MACROD2: variants seen among roughly 807,000 people sequenced by gnomAD.
MACROD2 encodes the protein mono-ADP ribosylhydrolase 2.
Under a neutral mutation model 70.4 loss-of-function variants are expected in MACROD2, and 36 were observed. The ratio of observed to expected loss-of-function variants is 0.51; its 90% CI spans 0.39 to 0.68. The LOEUF (loss-of-function observed/expected upper bound fraction) is 0.68. Ranked by LOEUF, MACROD2 falls within the 30% of genes least tolerant of loss-of-function variation. MACROD2 has a pLI of 0.00. For missense variants in MACROD2, 496 were observed against 538.4 expected, an observed-to-expected ratio of 0.92 and a Z score of 0.78; for synonymous variants, 172 against 178.8, an observed-to-expected ratio of 0.96 and a Z score of 0.30.
intron 8 of MACROD2, among the ~76,000 whole-genome samples, chr20:15,846,707 A>G (rs1280762580): frequency 6.6e-6 from 1 of 151,966 alleles, no homozygotes; most frequent in African/African-American, 2.4e-5. Context: ...TAACCAACTC[A>G]CACCCACTGG....
At chr20:14,560,881 C>T (rs1427028273) in intron 4 of MACROD2, among the ~76,000 whole-genome samples, 1 of 151,768 alleles carries the variant, frequency 6.6e-6, no homozygotes, top group African/African-American at 2.4e-5. Flanking sequence ...CTCTTAATTT[C>T]TCTCTTATGA....
At chr20:15,472,557 C>T (rs751623050) in intron 7 of MACROD2, among the ~76,000 whole-genome samples, 2 of 152,054 alleles carry the variant, frequency 1.3e-5, no homozygotes, top group Non-Finnish European at 2.9e-5. Flanking sequence ...ATTATTCAAG[C>T]CTTAAATCCC....
chr20:15,147,405 CTGTG>C (rs1470455780), intron 5 of MACROD2, among the ~76,000 whole-genome samples: 2 of 147,464 alleles, frequency 1.4e-5, no homozygotes, highest in African/African-American at 2.5e-5. Context: ...AAGGAGAACT[CTGTG>C]TGTGTAAAAC....
intron 5 of MACROD2, among the ~76,000 whole-genome samples, chr20:14,960,652 A>G (rs1249748408): frequency 1.3e-5 from 2 of 152,232 alleles, no homozygotes; most frequent in Non-Finnish European, 2.9e-5. Context: ...AAATCCTGTC[A>G]TTATCTCCCC....
intron 7 of MACROD2, among the ~76,000 whole-genome samples, chr20:15,479,463 G>A (rs931752502): frequency 6.6e-5 from 10 of 151,266 alleles, no homozygotes; most frequent in Non-Finnish European, 1.3e-4. Context: ...TAGTAGAGAC[G>A]GGGTTTCACC....
intron 3 of MACROD2, among the ~76,000 whole-genome samples, chr20:14,111,641 C>T (rs1191226099): frequency 6.6e-6 from 1 of 151,878 alleles, no homozygotes; most frequent in Non-Finnish European, 1.5e-5. Context: ...GAGAAATACA[C>T]ATCAAAACTT....
intron 3 of MACROD2, among the ~76,000 whole-genome samples, chr20:14,214,270 G>T (rs1298238218): frequency 1.3e-5 from 2 of 152,116 alleles, no homozygotes; most frequent in Non-Finnish European, 2.9e-5. Flanking sequence ...TATGATTCCT[G>T]CCTTCAGGCT....
At chr20:14,849,732 G>A (rs2031600280) in intron 5 of MACROD2, among the ~76,000 whole-genome samples, 1 of 152,164 alleles carries the variant, frequency 6.6e-6, no homozygotes, top group Non-Finnish European at 1.5e-5. Context: ...AGTGAACTGA[G>A]ATTGCGCCAG....
intron 6 of MACROD2, among the ~76,000 whole-genome samples, chr20:15,241,547 T>G (rs113864232): frequency 1.7e-3 from 264 of 152,252 alleles, no homozygotes; most frequent in Non-Finnish European, 3.0e-3. Context: ...TCAGTTAACA[T>G]ACATCCATAC....
chr20:14,389,520 A>C (rs531073775), intron 3 of MACROD2, among the ~76,000 whole-genome samples: 1 of 151,704 alleles, frequency 6.6e-6, no homozygotes, highest in Non-Finnish European at 1.5e-5. Context: ...CGTGCAAATT[A>C]TGGGAGAGAT....
chr20:14,308,391 ATCT>A (rs1431606197), intron 3 of MACROD2, among the ~76,000 whole-genome samples: 6 of 152,132 alleles, frequency 3.9e-5, no homozygotes, highest in African/African-American at 1.4e-4. Flanking sequence ...AACAGCTTCC[ATCT>A]TCTGACTTTG....
At chr20:14,058,895 G>A (rs974757481) in intron 2 of MACROD2, among the ~76,000 whole-genome samples, 10 of 152,068 alleles carry the variant, frequency 6.6e-5, no homozygotes, top group Non-Finnish European at 1.5e-4. Flanking sequence ...GCCCATCTCA[G>A]CCTCCCAAAG....
intron 7 of MACROD2, among the ~76,000 whole-genome samples, chr20:15,465,505 C>A (rs1051702683): frequency 1.3e-5 from 2 of 152,348 alleles, no homozygotes; most frequent in South Asian, 2.1e-4. Context: ...ATGGAGTTTG[C>A]AGAGCAGGCA....
intron 6 of MACROD2, 66 bp downstream of exon 6, chr20:15,230,127 G>A: frequency 6.8e-7 from 1 of 1,471,084 alleles, no homozygotes; most frequent in Non-Finnish European, 9.2e-7. Flanking sequence ...AATCTGTCTT[G>A]TCTAAAGAGA....
At chr20:15,261,249 T>C (rs777638301) in intron 6 of MACROD2, among the ~76,000 whole-genome samples, 2 of 151,976 alleles carry the variant, frequency 1.3e-5, no homozygotes, top group Non-Finnish European at 2.9e-5. Context: ...GCCAGTTTGG[T>C]GCCCACGTCA....
At chr20:15,556,894 G>A (rs2048175458) in intron 8 of MACROD2, among the ~76,000 whole-genome samples, 1 of 152,112 alleles carries the variant, frequency 6.6e-6, no homozygotes, top group Non-Finnish European at 1.5e-5. Context: ...TAGGAAAAAG[G>A]GAAGAACTCT....
intron 6 of MACROD2, among the ~76,000 whole-genome samples, chr20:15,385,557 C>T (rs560494708): frequency 2.2e-4 from 33 of 152,230 alleles, no homozygotes; most frequent in Non-Finnish European, 2.8e-4. Flanking sequence ...GTGTTCTTGA[C>T]GTTAGTGTCG....
intron 7 of MACROD2, among the ~76,000 whole-genome samples, chr20:15,461,006 A>ATATATATATATATATATATTT: frequency 4.6e-4 from 31 of 66,992 alleles, no homozygotes; most frequent in Non-Finnish European, 8.5e-4. Flanking sequence ...ATATATATAT[A>ATATATATATATATATATATTT]TTTTTTTTTA....
chr20:14,092,428 A>T (rs2054163124), intron 3 of MACROD2, among the ~76,000 whole-genome samples: 1 of 152,202 alleles, frequency 6.6e-6, no homozygotes, highest in South Asian at 2.1e-4. Context: ...ATACTGAAAT[A>T]TACTACAGCC....
Sources: gnomAD v4.1 joint callset for allele counts (sites outside exome capture counted in the v4.1 genomes callset) on GRCh38, gnomAD v4.1.1 for gene constraint, MANE v1.5 for transcripts, NCBI Gene and HGNC (gene_info 2026-07-23, HGNC 2026-07-21) for gene names.